Variants in ZNF343 observed in about 807,000 individuals in gnomAD.
The protein encoded by ZNF343 is zinc finger protein 343.
Under a neutral mutation model 13.8 loss-of-function variants are expected in ZNF343, and 11 were observed. That is an observed-to-expected ratio of 0.80 (90% confidence interval 0.50 to 1.32). The LOEUF (loss-of-function observed/expected upper bound fraction) is 1.32, where lower values mean the gene tolerates loss of function less well. ZNF343 is among the 40% of genes most tolerant of loss of function. The pLI is 0.00. For synonymous variants in ZNF343, 248 were observed against 260.0 expected (o/e 0.95, Z 0.44); for missense variants, 658 against 714.2 (o/e 0.92, Z 0.90).
At position 2,484,586 on chromosome 20, in the gene ZNF343, A is replaced by G. The variant is rs762796135; in HGVS notation, c.375T>C (p.Ser125=). 6 of 1,613,970 alleles carry G rather than the reference A, an allele frequency of 3.7e-6. No homozygotes were observed. The Admixed American group carries it at 1.0e-4, about 27-fold the overall frequency. Residue 125 remains serine (S), a synonymous_variant, in exon 6 of 6, where the codon AGT becomes AGC. Coordinates refer to ENST00000278772, the MANE Select transcript of ZNF343 (RefSeq NM_024325.6). ...CCAGGAAGATCTGAAGTACATGTTG[A>G]CTGAGGAACTGCTGACAGGAGAAGG... is the stretch of plus-strand genomic sequence containing the variant. ...LLAFSCQQFL[S]QHVLQIFLGL... is the part of the protein sequence containing the mutation.
chr20:2,488,747 T>C (rs201767159), intron 5 of ZNF343, among the ~76,000 whole-genome samples: 4 of 152,194 alleles, frequency 2.6e-5, no homozygotes, highest in East Asian at 3.9e-4. Flanking sequence ...TTTTAATCTA[T>C]AAAAATATTT....
chr20:2,500,397 C>T (rs1279678527), intron 2 of ZNF343, among the ~76,000 whole-genome samples: 1 of 152,180 alleles, frequency 6.6e-6, no homozygotes, highest in Non-Finnish European at 1.5e-5. Context: ...CTGACAAATC[C>T]CTGGGAATCC....
chr20:2,523,290 C>T (rs1379995204), intron 1 of ZNF343, among the ~76,000 whole-genome samples: 1 of 152,182 alleles, frequency 6.6e-6, no homozygotes, highest in Non-Finnish European at 1.5e-5. Context: ...GAAAACTCAT[C>T]AATAATCCAC....
chr20:2,517,675 AT>A (rs11478530), intron 1 of ZNF343, among the ~76,000 whole-genome samples: 24,856 of 145,324 alleles, frequency 0.17, 2,151 homozygotes, highest in South Asian at 0.31. Flanking sequence ...CTAGTTATTA[AT>A]TTTTTTTTTT....
Position 2,483,020 on chromosome 20 carries a change from T to C in ZNF343, c.*141A>G. 1 of 1,027,606 alleles carries C rather than the reference T, an allele frequency of 9.7e-7. No homozygotes were observed. The highest frequency in any genetic ancestry group is 1.7e-5 in the South Asian group (1 of 59,154). 63.7% of individuals were successfully genotyped at this position (1,027,606 alleles called of 1,614,324 possible). ...CTGAACGTGTCCCTCCCATGCCTGA[T>C]AAGGGCTGACACATCTCTGGAACTT... On this transcript the variant is annotated 3_prime_UTR_variant, in exon 6 of 6. Transcript: ENST00000278772.
At chr20:2,490,625 C>T (rs1241857708) in intron 5 of ZNF343, among the ~76,000 whole-genome samples, 1 of 151,380 alleles carries the variant, frequency 6.6e-6, no homozygotes, top group Non-Finnish European at 1.5e-5. Flanking sequence ...GCAACCTCCA[C>T]CTCCTGGGTT....
At chr20:2,510,134 G>T (rs1257739813), upstream of ZNF343, among the ~76,000 whole-genome samples, 2 of 152,160 alleles carry the variant, frequency 1.3e-5, no homozygotes, top group African/African-American at 2.4e-5. Flanking sequence ...TTTGATAAAG[G>T]CAATTAACTA....
At chr20:2,496,714 G>A (rs1002759677) in intron 2 of ZNF343, among the ~76,000 whole-genome samples, 8 of 152,070 alleles carry the variant, frequency 5.3e-5, no homozygotes, top group Non-Finnish European at 7.4e-5. Flanking sequence ...TTTCCTTATT[G>A]TATGTCAGTT....
chr20:2,508,342 C>A lies in ZNF343; in HGVS notation c.-237+539G>T, dbSNP rs145626270. Among the ~76,000 whole-genome samples the A allele has an allele frequency of 0.012, 1,871 of 152,114 alleles. 39 individuals are homozygous for A. Among genetic ancestry groups the A allele is most frequent in the African/African-American group, 0.043 (1,774 of 41,460 alleles). On this transcript the variant is annotated intron_variant, in intron 1 of 5. Transcript: ENST00000278772. The surrounding 1 kb of genome is among the most constrained non-coding windows in gnomAD (Gnocchi z 4.5). The stretch of plus-strand genomic sequence containing the variant: ...CATCAAGGCCTGAGACGGCCTCCCC[C>A]TAACCACCCCGGTCACCACTCGGGA...
chr20:2,523,725 G>T (rs934591984), intron 1 of ZNF343, among the ~76,000 whole-genome samples: 1 of 134,702 alleles, frequency 7.4e-6, no homozygotes, highest in African/African-American at 2.8e-5. Flanking sequence ...CTCTGGCCTG[G>T]GCTAGGATGC....
At chr20:2,510,003 A>C (rs919859883), upstream of ZNF343, among the ~76,000 whole-genome samples, 2 of 152,208 alleles carry the variant, frequency 1.3e-5, no homozygotes, top group African/African-American at 4.8e-5. Flanking sequence ...ATCTCTTTGA[A>C]ATGTAAACAG....
intron 1 of ZNF343, among the ~76,000 whole-genome samples, chr20:2,506,185 C>T (rs1177787297): frequency 1.3e-5 from 2 of 152,172 alleles, no homozygotes; most frequent in African/African-American, 4.8e-5. Flanking sequence ...CCAAAAGACA[C>T]AGGAAAAAAT....
chr20:2,483,249 T>A lies in ZNF343; in HGVS notation c.1712A>T (p.His571Leu), dbSNP rs145932929. ...KSLLLVHQRT[H>L]SGEKHYVCRE... ...ACAAACATAATGCTTCTCCCCTGAGTGTGTCCTCTGGTGGACAAGGAGGAG... is the reference window on the plus strand; with the variant it reads ...ACAAACATAATGCTTCTCCCCTGAGAGTGTCCTCTGGTGGACAAGGAGGAG... Residue 571 changes from histidine to leucine, a missense_variant, in exon 6 of 6, where the codon CAC (histidine) becomes CTC (leucine). Transcript: ENST00000278772. 1.4e-3 allele frequency: 2,324 copies of A among 1,612,640 alleles called. 4 individuals are homozygous for A. The highest frequency in any genetic ancestry group is 1.8e-3 in the Non-Finnish European group (2,112 of 1,179,606).
rs2085703834 is a variant in ZNF343 at position 2,508,462 on chromosome 20, C to T, written c.-237+419G>A. Reference sequence around the variant, plus strand: ...ACCACCCAGGGATGTGCGGACCTAGCCACGTCCCCACCCCAGCCGCGGGGA... The same window carrying T: ...ACCACCCAGGGATGTGCGGACCTAGTCACGTCCCCACCCCAGCCGCGGGGA... On this transcript the variant is annotated intron_variant, in intron 1 of 5. Coordinates refer to ENST00000278772, the MANE Select transcript of ZNF343 (RefSeq NM_024325.6). The surrounding 1 kb of genome is among the most constrained non-coding windows in gnomAD (Gnocchi z 4.5). 6.6e-6 allele frequency among the ~76,000 whole-genome samples: 1 copy of T among 152,144 alleles called. No homozygotes were observed. Among genetic ancestry groups the T allele is most frequent in the South Asian group, 2.1e-4 (1 of 4,830 alleles).
In ZNF343 at chr20:2,483,596, G is replaced by A. The variant is rs569600914; in HGVS notation, c.1365C>T (p.His455=). ...GCTTCTCTCCAGAGTGCGTCCGCTC[G>A]TGTATGATGAGGGTTGACTTGTCAC... The part of the protein sequence containing the change: ...GFCDKSTLII[H]ERTHSGEKPY... Residue 455 remains histidine (H), a synonymous_variant, in exon 6 of 6, where the codon CAC becomes CAT. Coordinates refer to ENST00000278772, the MANE Select transcript of ZNF343 (RefSeq NM_024325.6). 6.5e-5 allele frequency: 104 copies of A among 1,607,768 alleles called. 1 individual carries two copies. In the South Asian group the frequency reaches 7.2e-4, roughly 11 times the overall value.
At chr20:2,495,366 A>G (rs972292192) in intron 2 of ZNF343, 2 of 152,240 alleles carry the variant, frequency 1.3e-5, no homozygotes, top group Non-Finnish European at 2.9e-5. Flanking sequence ...GCCCTATAAA[A>G]GGATGGTACT....
chr20:2,485,725 C>G (rs970648702), intron 5 of ZNF343, among the ~76,000 whole-genome samples: 2 of 152,140 alleles, frequency 1.3e-5, no homozygotes, highest in South Asian at 4.1e-4. Context: ...CTTTTGTGGT[C>G]TTTGTTTTAG....
At chr20:2,499,959 A>C (rs917627570) in intron 2 of ZNF343, among the ~76,000 whole-genome samples, 3 of 152,216 alleles carry the variant, frequency 2.0e-5, no homozygotes, top group African/African-American at 7.2e-5. Flanking sequence ...GACATTAAGG[A>C]ATTACTGTCG....
At chr20:2,514,451 GA>G (rs1240065576) in intron 1 of ZNF343, among the ~76,000 whole-genome samples, 1 of 152,122 alleles carries the variant, frequency 6.6e-6, no homozygotes, top group Non-Finnish European at 1.5e-5. Flanking sequence ...AAACTTCAAA[GA>G]TCTTAGAATT....
Sources: allele counts gnomAD v4.1 joint callset (sites outside exome capture counted in the v4.1 genomes callset), GRCh38; gene constraint gnomAD v4.1.1; non-coding constraint Gnocchi (gnomAD v3.1); transcripts MANE v1.5; gene names NCBI Gene and HGNC (gene_info 2026-07-23, HGNC 2026-07-21).